The following PELI1 variants were observed in gnomAD, a reference collection of about 807,000 sequenced individuals.
The protein encoded by PELI1 is E3 ubiquitin-protein ligase pellino homolog 1.
A neutral mutation model predicts 41.3 loss-of-function variants in PELI1; 15 were observed. The observed-to-expected ratio is 0.36, with a 90% CI of 0.24 to 0.56. The LOEUF (loss-of-function observed/expected upper bound fraction) is 0.56. PELI1 is among the 20% of genes least tolerant of loss of function. The pLI, the probability that PELI1 is intolerant of heterozygous loss-of-function variation, is 0.82. For missense variants in PELI1, 403 were observed against 525.5 expected (o/e 0.77, Z 2.28); for synonymous variants, 178 against 180.1 (o/e 0.99, Z 0.09).
chr2:64,102,828 A>C (rs1045036852), intron 3 of PELI1, among the ~76,000 whole-genome samples: 2 of 146,154 alleles, frequency 1.4e-5, no homozygotes, highest in South Asian at 2.2e-4. Context: ...AAAGAGGAGG[A>C]GTCAATCTTT....
At chr2:64,114,561 T>TA (rs1288011872) in intron 1 of PELI1, among the ~76,000 whole-genome samples, 2 of 152,168 alleles carry the variant, frequency 1.3e-5, no homozygotes, top group South Asian at 2.1e-4. Context: ...CCTCCTCTCT[T>TA]AGAGAAGCCA....
chr2:64,142,359 G>A (rs1383725201), intron 1 of PELI1, among the ~76,000 whole-genome samples: 1 of 152,138 alleles, frequency 6.6e-6, no homozygotes, highest in Admixed American at 6.5e-5. Context: ...AATCTAAAAT[G>A]TAAGGACAAC....
In PELI1 at chr2:64,108,209, CTGTGTGTGTCATCAAA is replaced by C. The variant is rs1360527070; in HGVS notation, c.71+15_71+30del. On this transcript the variant is annotated intron_variant, in intron 2 of 6. Coordinates refer to ENST00000358912, the MANE Select transcript of PELI1 (RefSeq NM_020651.4). ...GCCAAAGTTAGCATATATTATTAAA[CTGTGTGTGTCATCAAA>C]TGGAGAAACCTTACCCTAAGACAAT... 1 of 1,260,376 alleles carries C rather than the reference CTGTGTGTGTCATCAAA, an allele frequency of 7.9e-7. No homozygotes were observed. The highest frequency in any genetic ancestry group is 1.8e-5 in the Admixed American group (1 of 56,976). 78.1% of individuals were successfully genotyped at this position (1,260,376 alleles called of 1,614,324 possible). A position where few individuals can be genotyped will look rare whatever the true frequency, so the allele number is the denominator to read the frequency against.
intron 1 of PELI1, among the ~76,000 whole-genome samples, chr2:64,110,439 A>G (rs780790140): frequency 1.3e-5 from 2 of 152,112 alleles, no homozygotes; most frequent in Admixed American, 1.3e-4. Flanking sequence ...AGACGAGGAA[A>G]AATTGAGAGA....
chr2:64,122,342 TA>T (rs59972052), intron 1 of PELI1, among the ~76,000 whole-genome samples: 36,852 of 100,568 alleles, frequency 0.37, 5,321 homozygotes, highest in East Asian at 0.66. Context: ...CTCTGAAACT[TA>T]AAAAAAAAAA....
At chr2:64,104,541 G>C (rs1680555061) in intron 3 of PELI1, 160 bp downstream of exon 3, 6 of 1,123,398 alleles carry the variant, frequency 5.3e-6, no homozygotes, top group Non-Finnish European at 7.0e-6. Context: ...CCATATGGCA[G>C]CTCTTCAAAT....
At chr2:64,135,758 A>C (rs1486596225) in intron 1 of PELI1, among the ~76,000 whole-genome samples, 1 of 152,226 alleles carries the variant, frequency 6.6e-6, no homozygotes, top group African/African-American at 2.4e-5. Flanking sequence ...TATTATTTCC[A>C]AAATTAAGTA....
At chr2:64,143,414 T>C (rs1448779377) in intron 1 of PELI1, 1 of 152,180 alleles carries the variant, frequency 6.6e-6, no homozygotes, top group African/African-American at 2.4e-5. Flanking sequence ...TCATAAACGC[T>C]TTCATATACT....
At chr2:64,113,302 A>G (rs74547262) in intron 1 of PELI1, among the ~76,000 whole-genome samples, 5 of 65,878 alleles carry the variant, frequency 7.6e-5, no homozygotes, top group Admixed American at 4.9e-4. Flanking sequence ...AAAAAAAAGA[A>G]AAAAAAAAAA....
At chr2:64,128,808 T>C (rs1681466811) in intron 1 of PELI1, among the ~76,000 whole-genome samples, 1 of 152,152 alleles carries the variant, frequency 6.6e-6, no homozygotes, top group South Asian at 2.1e-4. Flanking sequence ...TGTCAAACTC[T>C]TGGGTTTTAT....
intron 1 of PELI1, among the ~76,000 whole-genome samples, chr2:64,124,848 C>T (rs943890150): frequency 6.6e-6 from 1 of 152,050 alleles, no homozygotes; most frequent in African/African-American, 2.4e-5. Flanking sequence ...AGTTAAAGGG[C>T]TCATGCCACA....
rs1680177753 is a variant in PELI1, at chr2:64,094,935, A to AG, written c.1023dup (p.Tyr342LeufsTer9). The AG allele has an allele frequency of 1.2e-6, 2 of 1,613,082 alleles. No individual in the cohort carries two copies. The highest frequency in any genetic ancestry group is 1.7e-6 in the Non-Finnish European group (2 of 1,179,696). ...TCACATCCAAGCCACAGAGGAACAT[A>AG]GGGACCAACAGACCTACACATAGGA... On this transcript the variant is annotated frameshift_variant, in exon 7 of 7. Transcript: ENST00000358912. LOFTEE classifies it high-confidence loss of function.
At chr2:64,095,769 G>A (rs1576066147) in intron 6 of PELI1, among the ~76,000 whole-genome samples, 1 of 152,088 alleles carries the variant, frequency 6.6e-6, no homozygotes, top group Admixed American at 6.5e-5. Context: ...TCAGCCTCCC[G>A]AGTAGCTGGG....
At chr2:64,114,004 G>C (rs1258520148) in intron 1 of PELI1, among the ~76,000 whole-genome samples, 1 of 151,812 alleles carries the variant, frequency 6.6e-6, no homozygotes, top group Non-Finnish European at 1.5e-5. Flanking sequence ...TACTAAGCAA[G>C]GGACAAAACA....
At chr2:64,105,863 G>A (rs1343619430) in intron 2 of PELI1, among the ~76,000 whole-genome samples, 1 of 152,098 alleles carries the variant, frequency 6.6e-6, no homozygotes, top group African/African-American at 2.4e-5. Context: ...TCAATCTAGG[G>A]GGAAAGGAAG....
At chr2:64,112,568 T>G (rs1680839117) in intron 1 of PELI1, among the ~76,000 whole-genome samples, 1 of 152,216 alleles carries the variant, frequency 6.6e-6, no homozygotes, top group Admixed American at 6.5e-5. Flanking sequence ...CTTACTCTGC[T>G]TAGATCTCTT....
chr2:64,104,653 T>A, intron 3 of PELI1, 48 bp downstream of exon 3: 1 of 1,529,640 alleles, frequency 6.5e-7, no homozygotes, highest in Non-Finnish European at 8.7e-7. Context: ...ATAAAAGTCT[T>A]TCAAATTCTC....
intron 1 of PELI1, among the ~76,000 whole-genome samples, chr2:64,134,336 C>T (rs951283697): frequency 6.6e-6 from 1 of 152,068 alleles, no homozygotes; most frequent in African/African-American, 2.4e-5. Flanking sequence ...AAAATGTCTG[C>T]TCTCAATGAA....
intron 4 of PELI1, among the ~76,000 whole-genome samples, chr2:64,098,417 C>CA (rs2103666089): frequency 6.6e-6 from 1 of 152,328 alleles, no homozygotes; most frequent in Admixed American, 6.5e-5. Flanking sequence ...ATACAAGCTA[C>CA]AACAGCTTAT....
Sources: allele counts gnomAD v4.1 joint callset (sites outside exome capture counted in the v4.1 genomes callset), GRCh38; gene constraint gnomAD v4.1.1; transcripts MANE v1.5; gene names NCBI Gene and HGNC (gene_info 2026-07-23, HGNC 2026-07-21).